The following MEIS2 variants were observed in gnomAD, a reference collection of about 807,000 sequenced individuals.
MEIS2 encodes the protein homeobox protein Meis2.
MEIS2 carries 9 observed loss-of-function variants against 58.6 expected under a neutral mutation model. The observed-to-expected ratio is 0.15, with a 90% CI of 0.09 to 0.27. MEIS2 has a LOEUF of 0.27. MEIS2 is among the 10% of genes least tolerant of loss of function. The pLI is 1.00. For missense variants in MEIS2, 427 were observed against 635.0 expected, an observed-to-expected ratio of 0.67 and a Z score of 3.52; for synonymous variants, 221 against 228.4, an observed-to-expected ratio of 0.97 and a Z score of 0.29.
intron 9 of MEIS2, among the ~76,000 whole-genome samples, chr15:36,910,799 C>T (rs1344256430): frequency 2.0e-5 from 3 of 152,194 alleles, no homozygotes; most frequent in Non-Finnish European, 2.9e-5. Context: ...GTAATCCCAG[C>T]ACTTTGGGAG....
At chr15:36,955,508 T>C (rs1413519401) in intron 8 of MEIS2, among the ~76,000 whole-genome samples, 1 of 152,228 alleles carries the variant, frequency 6.6e-6, no homozygotes, top group Non-Finnish European at 1.5e-5. Flanking sequence ...TAAACAAGAC[T>C]GTGCTTGGGA....
chr15:37,086,942 T>C (rs1271549257), intron 6 of MEIS2, among the ~76,000 whole-genome samples: 1 of 152,214 alleles, frequency 6.6e-6, no homozygotes, highest in Non-Finnish European at 1.5e-5. Context: ...AAAATATTTG[T>C]TTATATCACA....
intron 6 of MEIS2, among the ~76,000 whole-genome samples, chr15:37,091,507 T>G (rs565152728): frequency 1.7e-4 from 26 of 152,154 alleles, no homozygotes; most frequent in African/African-American, 5.8e-4. Context: ...ATAAATCAGT[T>G]GTCATATTTA....
At chr15:37,043,401 T>C (rs1432735846) in intron 7 of MEIS2, among the ~76,000 whole-genome samples, 4 of 152,178 alleles carry the variant, frequency 2.6e-5, no homozygotes, top group Non-Finnish European at 5.9e-5. Flanking sequence ...GATATCAATA[T>C]TGATATCTTC....
chr15:36,979,682 TTATATATAATATATAAAAA>T (rs933478216), intron 8 of MEIS2, among the ~76,000 whole-genome samples: 55 of 147,736 alleles, frequency 3.7e-4, no homozygotes, highest in Admixed American at 1.3e-3. Flanking sequence ...ATTTCCATTA[TTATATATAATATATAAAAA>T]TATATATAAT....
intron 8 of MEIS2, among the ~76,000 whole-genome samples, chr15:37,011,115 G>A (rs2061136151): frequency 6.6e-6 from 1 of 152,204 alleles, no homozygotes; most frequent in Non-Finnish European, 1.5e-5. Flanking sequence ...TCCTCCAGAT[G>A]AACACATGTA....
intron 3 of MEIS2, 35 bp downstream of exon 3, chr15:37,096,253 GA>G: frequency 6.5e-7 from 1 of 1,548,486 alleles, no homozygotes; most frequent in Non-Finnish European, 8.7e-7. Context: ...GGTAGTGAGG[GA>G]CTGCCCGAAG....
rs1890923870 is a variant in MEIS2 at position 37,073,074 on chromosome 15, A to T, written c.754+10697T>A. On this transcript the variant is annotated intron_variant, in intron 7 of 11. Transcript: ENST00000561208. Reference sequence around the variant, plus strand: ...CCTAGAACCCAGGACAGTACTTGACACAATTATATGGTCCATAAATGTTCA... The same window carrying T: ...CCTAGAACCCAGGACAGTACTTGACTCAATTATATGGTCCATAAATGTTCA... 2.6e-5 allele frequency among the ~76,000 whole-genome samples: 4 copies of T among 152,112 alleles called. No homozygotes were observed. In the South Asian group the frequency reaches 8.3e-4, roughly 31 times the overall value.
chr15:36,956,120 C>T (rs189907720), intron 8 of MEIS2, among the ~76,000 whole-genome samples: 3 of 144,006 alleles, frequency 2.1e-5, no homozygotes, highest in South Asian at 2.3e-4. Context: ...GGCGTGAACC[C>T]GGGAGGCGGA....
intron 9 of MEIS2, among the ~76,000 whole-genome samples, chr15:36,939,928 G>A (rs1251715506): frequency 2.6e-5 from 4 of 152,196 alleles, no homozygotes; most frequent in Non-Finnish European, 4.4e-5. Flanking sequence ...TTATTGGCAA[G>A]TCTTTCATTA....
chr15:37,073,438 G>A lies in MEIS2; in HGVS notation c.754+10333C>T, dbSNP rs551939818. On this transcript the variant is annotated intron_variant, in intron 7 of 11. Transcript: ENST00000561208. ...CACACATCTTGGGAGAAGGTAAGCC[G>A]TTGAAGATAAGGACCCTTGTGATTT... 7.2e-5 allele frequency among the ~76,000 whole-genome samples: 11 copies of A among 152,014 alleles called. No individual in the cohort carries two copies. The South Asian group carries it at 8.3e-4, about 11-fold the overall frequency.
intron 8 of MEIS2, among the ~76,000 whole-genome samples, chr15:36,993,719 A>G (rs1014864244): frequency 6.6e-6 from 1 of 152,190 alleles, no homozygotes; most frequent in Non-Finnish European, 1.5e-5. Context: ...CATGTAATCC[A>G]TTATAACTGA....
intron 8 of MEIS2, among the ~76,000 whole-genome samples, chr15:37,008,932 A>C (rs2061020788): frequency 6.6e-6 from 1 of 152,194 alleles, no homozygotes; most frequent in Non-Finnish European, 1.5e-5. Flanking sequence ...TTAAATTATC[A>C]CTTTTTTCCA....
chr15:37,021,824 T>C (rs1426355651), intron 8 of MEIS2, among the ~76,000 whole-genome samples: 2 of 152,212 alleles, frequency 1.3e-5, no homozygotes, highest in Non-Finnish European at 2.9e-5. Flanking sequence ...TAATCATTCA[T>C]ATGTTCTGTG....
chr15:37,069,953 C>T (rs1890472174), intron 7 of MEIS2, among the ~76,000 whole-genome samples: 2 of 152,234 alleles, frequency 1.3e-5, no homozygotes, highest in Admixed American at 1.3e-4. Context: ...GTTGTTTTCT[C>T]ACCTCCTTCC....
Position 36,933,056 on chromosome 15 carries a change from C to CAGTGGACA in MEIS2, c.977+17260_977+17267dup, listed in dbSNP as rs1329607424. Among the ~76,000 whole-genome samples, 6 of 152,124 alleles carry CAGTGGACA rather than the reference C, an allele frequency of 3.9e-5. 1 individual carries two copies. The highest frequency in any genetic ancestry group is 3.9e-4 in the Admixed American group (6 of 15,280). The stretch of plus-strand genomic sequence containing the variant: ...TTGGGCCCCCTTCTCTCAGCACCCA[C>CAGTGGACA]AGTGGACAATTTTAGAACAGACTTT... On this transcript the variant is annotated intron_variant, in intron 9 of 11. Coordinates refer to ENST00000561208, the MANE Select transcript of MEIS2 (RefSeq NM_170675.5).
At chr15:36,898,608 CT>C (rs2056307493) in intron 9 of MEIS2, 1 of 151,780 alleles carries the variant, frequency 6.6e-6, no homozygotes, top group African/African-American at 2.4e-5. Flanking sequence ...AGGTTGTTCC[CT>C]TATTTATGTC....
intron 9 of MEIS2, among the ~76,000 whole-genome samples, chr15:36,941,466 G>T (rs2058373488): frequency 6.6e-6 from 1 of 152,160 alleles, no homozygotes; most frequent in Admixed American, 6.5e-5. Flanking sequence ...TGCAGGTTGA[G>T]TATGCTTATC....
chr15:37,009,117 G>A (rs560852747), intron 8 of MEIS2, among the ~76,000 whole-genome samples: 40 of 152,138 alleles, frequency 2.6e-4, no homozygotes, highest in Admixed American at 8.5e-4. Flanking sequence ...GTGAAACCCT[G>A]TCTCTACTAA....
Sources: allele counts gnomAD v4.1 joint callset (sites outside exome capture counted in the v4.1 genomes callset), GRCh38; gene constraint gnomAD v4.1.1; transcripts MANE v1.5; gene names NCBI Gene and HGNC (gene_info 2026-07-23, HGNC 2026-07-21).